The following ADAM19 variants were observed in gnomAD, a reference collection of about 807,000 sequenced individuals.
The protein encoded by ADAM19 is ADAM metallopeptidase domain 19.
Under a neutral mutation model 114.7 loss-of-function variants are expected in ADAM19, and 65 were observed. The ratio of observed to expected loss-of-function variants is 0.57; its 90% CI spans 0.46 to 0.70. The LOEUF (loss-of-function observed/expected upper bound fraction) is 0.70. Ranked by LOEUF, ADAM19 falls within the 30% of genes least tolerant of loss-of-function variation. The probability of loss-of-function intolerance (pLI) is 0.00; values close to 1 mark genes in which losing one functional copy is unlikely to be tolerated. For missense variants in ADAM19, 1,063 were observed against 1,204.7 expected (o/e 0.88, Z 1.74); for synonymous variants, 466 against 460.5 (o/e 1.01, Z -0.15).
chr5:157,491,300 C>G (rs143052480), intron 18 of ADAM19, among the ~76,000 whole-genome samples: 1 of 152,204 alleles, frequency 6.6e-6, no homozygotes, highest in Non-Finnish European at 1.5e-5. Context: ...TTTAAGTGCC[C>G]AAAGAGAAAT....
intron 2 of ADAM19, among the ~76,000 whole-genome samples, chr5:157,567,281 C>T (rs920264118): frequency 9.2e-5 from 14 of 152,214 alleles, no homozygotes; most frequent in African/African-American, 3.4e-4. Flanking sequence ...ATTACTTCAT[C>T]TCAAGAAGGA....
In ADAM19 at chr5:157,479,112, AG is replaced by A; in HGVS notation, c.*1836del. On this transcript the variant is annotated 3_prime_UTR_variant, in exon 23 of 23. Transcript: ENST00000257527. The stretch of plus-strand genomic sequence containing the variant: ...AGGTGGGGAATGGATCTCCACAGCA[AG>A]GATGACCCACAGCAAGGATGACCCA... 1.0e-6 allele frequency: 1 copy of A among 985,774 alleles called. No homozygotes were observed. The highest frequency in any genetic ancestry group is 1.2e-6 in the Non-Finnish European group (1 of 829,904). 61.1% of individuals were successfully genotyped at this position (985,774 alleles called of 1,614,324 possible). A position where few individuals can be genotyped will look rare whatever the true frequency, so the allele number is the denominator to read the frequency against.
chr5:157,547,766 T>C (rs1019150024), intron 3 of ADAM19, among the ~76,000 whole-genome samples: 1 of 152,236 alleles, frequency 6.6e-6, no homozygotes. Flanking sequence ...GTTTCCATGA[T>C]TCCACCCTAT....
intron 5 of ADAM19, among the ~76,000 whole-genome samples, chr5:157,525,604 AGC>A (rs1202922306): frequency 2.0e-5 from 3 of 152,036 alleles, no homozygotes; most frequent in African/African-American, 7.2e-5. Context: ...CCCAGGACTT[AGC>A]CACCTTTTGG....
intron 3 of ADAM19, among the ~76,000 whole-genome samples, chr5:157,548,475 A>G (rs929976001): frequency 2.0e-5 from 3 of 152,144 alleles, no homozygotes; most frequent in African/African-American, 7.2e-5. Context: ...GTAGTCCAGA[A>G]CTCAAGCCCA....
At chr5:157,560,209 G>A (rs893958913) in intron 3 of ADAM19, among the ~76,000 whole-genome samples, 16 of 138,918 alleles carry the variant, frequency 1.2e-4, no homozygotes, top group African/African-American at 4.4e-4. Flanking sequence ...AGCTTGCAGT[G>A]AGCCGAGATC....
Position 157,507,144 on chromosome 5 carries a change from C to A in ADAM19, c.906-4G>T, listed in dbSNP as rs777954632. The stretch of plus-strand genomic sequence containing the variant: ...GGTGCCGTGGAAGGACATGCCCCTG[C>A]AGGAGGCAAGGAGAGACGGTGACCG... On this transcript the variant is annotated splice_region_variant and splice_polypyrimidine_tract_variant and intron_variant, in intron 9 of 22. Coordinates refer to ENST00000257527, the MANE Select transcript of ADAM19 (RefSeq NM_033274.5). 1 of 1,613,694 alleles carries A rather than the reference C, an allele frequency of 6.2e-7. No individual in the cohort carries two copies. Among genetic ancestry groups the A allele is most frequent in the Non-Finnish European group, 8.5e-7 (1 of 1,179,768 alleles).
intron 9 of ADAM19, among the ~76,000 whole-genome samples, chr5:157,507,754 C>T (rs978003477): frequency 2.6e-5 from 4 of 152,136 alleles, no homozygotes; most frequent in Non-Finnish European, 2.9e-5. Context: ...CAATGGGATC[C>T]TAATCTGCCA....
chr5:157,549,424 G>A (rs1757131139), intron 3 of ADAM19, among the ~76,000 whole-genome samples: 1 of 152,208 alleles, frequency 6.6e-6, no homozygotes, highest in Non-Finnish European at 1.5e-5. Flanking sequence ...TAGCACTACA[G>A]TTTTAGGTTC....
At chr5:157,505,921 C>T (rs1755728134) in intron 10 of ADAM19, 113 bp from the exon 11 acceptor site, 1 of 1,237,340 alleles carries the variant, frequency 8.1e-7, no homozygotes, top group African/African-American at 1.5e-5. Flanking sequence ...TCCACTGTCA[C>T]TGAGCATACA....
chr5:157,486,460 C>T (rs1248764648), intron 21 of ADAM19, among the ~76,000 whole-genome samples: 1 of 152,112 alleles, frequency 6.6e-6, no homozygotes, highest in Non-Finnish European at 1.5e-5. Context: ...CAGCTTCCTG[C>T]ACCCGGGACT....
At chr5:157,571,568 A>C (rs113129579) in intron 1 of ADAM19, among the ~76,000 whole-genome samples, 7 of 152,258 alleles carry the variant, frequency 4.6e-5, no homozygotes, top group South Asian at 2.1e-4. Flanking sequence ...TTATAAATAG[A>C]CTTGGAAGGC....
intron 8 of ADAM19, among the ~76,000 whole-genome samples, chr5:157,512,164 C>T (rs1338367223): frequency 6.6e-6 from 1 of 152,112 alleles, no homozygotes. Context: ...GGACTGTGTC[C>T]CTAGAGTCTG....
intron 11 of ADAM19, among the ~76,000 whole-genome samples, chr5:157,505,184 T>C (rs1221828856): frequency 6.7e-6 from 1 of 150,276 alleles, no homozygotes; most frequent in Non-Finnish European, 1.5e-5. Context: ...ACCCTGTTCC[T>C]CATGGGTAAT....
chr5:157,542,647 C>A (rs1756946591), intron 3 of ADAM19, among the ~76,000 whole-genome samples: 1 of 151,382 alleles, frequency 6.6e-6, no homozygotes, highest in African/African-American at 2.4e-5. Context: ...CCCGTCTCTA[C>A]AAAAAAAAAT....
Position 157,480,722 on chromosome 5 carries a change from T to G in ADAM19, c.*227A>C. 1 of 1,383,380 alleles carries G rather than the reference T, an allele frequency of 7.2e-7. No individual in the cohort carries two copies. The highest frequency in any genetic ancestry group is 2.7e-4 in the Middle Eastern group (1 of 3,682). 85.7% of individuals were successfully genotyped at this position (1,383,380 alleles called of 1,614,324 possible). On this transcript the variant is annotated 3_prime_UTR_variant, in exon 23 of 23. Coordinates refer to ENST00000257527, the MANE Select transcript of ADAM19 (RefSeq NM_033274.5). ...TCCCCTCCCTACCTGGGGCTGTATATTGCACAAAACAACACCTAGAGGCCA... is the reference window on the plus strand; with the variant it reads ...TCCCCTCCCTACCTGGGGCTGTATAGTGCACAAAACAACACCTAGAGGCCA...
chr5:157,491,549 C>G (rs1755156641), intron 18 of ADAM19, 66 bp downstream of exon 18: 2 of 1,157,280 alleles, frequency 1.7e-6, no homozygotes, highest in African/African-American at 1.6e-5. Context: ...CTGCAACATG[C>G]CACCTGCCCC....
intron 3 of ADAM19, among the ~76,000 whole-genome samples, chr5:157,552,829 T>A (rs1474418426): frequency 2.0e-5 from 3 of 152,024 alleles, no homozygotes; most frequent in Non-Finnish European, 4.4e-5. Flanking sequence ...GTGGTACATA[T>A]ACACAATGGA....
At chr5:157,488,570 G>T in intron 20 of ADAM19, 81 bp from the exon 21 acceptor site, 1 of 1,156,338 alleles carries the variant, frequency 8.6e-7, no homozygotes, top group Non-Finnish European at 1.2e-6. Flanking sequence ...ATAAACCAGA[G>T]CCCAAAGGGA....
Sources: gnomAD v4.1 joint callset for allele counts (sites outside exome capture counted in the v4.1 genomes callset) on GRCh38, gnomAD v4.1.1 for gene constraint, MANE v1.5 for transcripts, NCBI Gene and HGNC (gene_info 2026-07-23, HGNC 2026-07-21) for gene names.